Variants in NLRC3 observed in about 807,000 individuals in gnomAD.
NLRC3 encodes the protein NLR family CARD domain-containing protein 3.
A neutral mutation model predicts 91.6 loss-of-function variants in NLRC3; 87 were observed. The ratio of observed to expected loss-of-function variants is 0.95; its 90% CI spans 0.80 to 1.14. The LOEUF is 1.14. NLRC3 is among the 50% of genes most tolerant of loss of function. The pLI, the probability that NLRC3 is intolerant of heterozygous loss-of-function variation, is 0.00. For missense variants in NLRC3, 1,577 were observed against 1,418.6 expected, an observed-to-expected ratio of 1.11 and a Z score of -1.79; for synonymous variants, 694 against 625.3, an observed-to-expected ratio of 1.11 and a Z score of -1.64.
chr16:3,542,376 A>G, intron 18 of NLRC3, 102 bp from the exon 19 acceptor site: 1 of 762,146 alleles, frequency 1.3e-6, no homozygotes, highest in East Asian at 2.7e-5. Flanking sequence ...ACCCAGGCAG[A>G]TGTGTCCACA....
chr16:3,551,925 TCATCCATCAGTCCACTCATC>T (rs1292142405), intron 10 of NLRC3, among the ~76,000 whole-genome samples: 1 of 144,178 alleles, frequency 6.9e-6, no homozygotes, highest in Non-Finnish European at 1.5e-5. Flanking sequence ...ATCCACTCAT[TCATCCATCAGTCCACTCATC>T]CATCCATCCG....
At chr16:3,558,858 G>T (rs929253552) in intron 6 of NLRC3, among the ~76,000 whole-genome samples, 9 of 151,964 alleles carry the variant, frequency 5.9e-5, no homozygotes, top group African/African-American at 1.9e-4. Context: ...ACTGTAACTC[G>T]AACTCTCGAG....
chr16:3,556,436 T>G (rs986952839), intron 8 of NLRC3, among the ~76,000 whole-genome samples: 1 of 147,392 alleles, frequency 6.8e-6, no homozygotes, highest in African/African-American at 2.5e-5. Context: ...AGCTGGACCC[T>G]GGAAACTTGC....
chr16:3,554,038 C>T (rs1294026645), intron 9 of NLRC3, among the ~76,000 whole-genome samples: 3 of 151,992 alleles, frequency 2.0e-5, no homozygotes, highest in Non-Finnish European at 2.9e-5. Flanking sequence ...TGAGTCCCTG[C>T]GCCCAGCCAG....
At chr16:3,566,724 T>TA (rs144030899) in intron 2 of NLRC3, among the ~76,000 whole-genome samples, 1,255 of 123,896 alleles carry the variant, frequency 0.01, 15 homozygotes, top group African/African-American at 0.033. Context: ...AAACTCCGTA[T>TA]AAAAAAAAAA....
intron 5 of NLRC3, among the ~76,000 whole-genome samples, chr16:3,562,542 G>A (rs777322301): frequency 2.0e-5 from 3 of 152,162 alleles, no homozygotes; most frequent in Non-Finnish European, 2.9e-5. Flanking sequence ...TAGGGAGGCT[G>A]AGGCAGGAGA....
chr16:3,542,345 G>A (rs76537717), intron 18 of NLRC3, 71 bp from the exon 19 acceptor site: 4 of 947,248 alleles, frequency 4.2e-6, no homozygotes, highest in Admixed American at 2.0e-5. Context: ...GGAAGCAACA[G>A]TGCATTGTCT....
chr16:3,553,676 G>A (rs1453697862), intron 9 of NLRC3, among the ~76,000 whole-genome samples: 1 of 151,598 alleles, frequency 6.6e-6, no homozygotes, highest in East Asian at 1.9e-4. Context: ...TCCTACATCT[G>A]TGGGTTGGTA....
intron 9 of NLRC3, among the ~76,000 whole-genome samples, chr16:3,552,621 AC>A (rs895475590): frequency 1.3e-5 from 2 of 152,032 alleles, no homozygotes; most frequent in Non-Finnish European, 2.9e-5. Flanking sequence ...TCCCATCTAG[AC>A]CAGCAGGCTG....
intron 1 of NLRC3, among the ~76,000 whole-genome samples, chr16:3,570,898 A>C (rs1277787134): frequency 6.6e-6 from 1 of 152,198 alleles, no homozygotes; most frequent in African/African-American, 2.4e-5. Context: ...CCTGGAATCC[A>C]TGAGCTACAC....
At chr16:3,546,788 G>A (rs1385459531) in intron 15 of NLRC3, among the ~76,000 whole-genome samples, 4 of 152,114 alleles carry the variant, frequency 2.6e-5, no homozygotes, top group East Asian at 1.9e-4. Context: ...CGTGGGAGTC[G>A]TTGGGACTTT....
rs186077567 is a variant in NLRC3 at position 3,549,730 on chromosome 16, G to T, written c.2486C>A (p.Ala829Asp). Reference sequence around the variant, plus strand: ...GAGGAGGGTCTGGTTGGTGCAGAGGGCCCCCATCAGTGCTGCCACTCCTGC... The same window carrying T: ...GAGGAGGGTCTGGTTGGTGCAGAGGTCCCCCATCAGTGCTGCCACTCCTGC... ...SDAGVAALMGALCTNQTLLSL... is the reference protein window; with the variant it reads ...SDAGVAALMGDLCTNQTLLSL... The change falls in exon 12 of 20, where the codon GCC becomes GAC. Residue 829 changes from alanine (A) to aspartate (D), a missense_variant. Ala to Asp is a moderately radical substitution (Grantham distance 126). Transcript: ENST00000359128. The T allele has an allele frequency of 1.7e-5, 26 of 1,551,224 alleles. No individual in the cohort carries two copies. The Middle Eastern group carries it at 5.1e-4, about 30-fold the overall frequency.
intron 8 of NLRC3, among the ~76,000 whole-genome samples, chr16:3,555,229 CAAA>C (rs149218240): frequency 4.9e-5 from 4 of 82,452 alleles, no homozygotes; most frequent in Non-Finnish European, 2.4e-5. Flanking sequence ...GACTCCGTCT[CAAA>C]AAAAAAAAAA....
At chr16:3,548,266 G>A (rs1301590931) in intron 14 of NLRC3, 48 bp from the exon 15 acceptor site, 4 of 1,460,416 alleles carry the variant, frequency 2.7e-6, no homozygotes, top group Non-Finnish European at 2.8e-6. Context: ...TGACTATGTG[G>A]CCCTGGGGCA....
At chr16:3,562,879 C>T (rs1321398444) in intron 5 of NLRC3, 130 bp downstream of exon 5, 1 of 879,020 alleles carries the variant, frequency 1.1e-6, no homozygotes, top group Non-Finnish European at 1.8e-6. Flanking sequence ...TGTTTTAAGC[C>T]ACCAAGTTCA....
At chr16:3,567,417 C>G (rs2039925357) in intron 1 of NLRC3, 93 bp from the exon 2 acceptor site, 1 of 152,212 alleles carries the variant, frequency 6.6e-6, no homozygotes, top group South Asian at 2.1e-4. Flanking sequence ...GGTGTTGTCA[C>G]TGCATAGAGA....
In NLRC3 at chr16:3,541,621, C is replaced by T. The variant is rs1359510318; in HGVS notation, c.*204G>A. ...CTCTGTGCCATAACAGAGTACCCGTCACCCCCTGCCTGGACCACTCCTGCA... is the reference window on the plus strand; with the variant it reads ...CTCTGTGCCATAACAGAGTACCCGTTACCCCCTGCCTGGACCACTCCTGCA... On this transcript the variant is annotated 3_prime_UTR_variant, in exon 20 of 20. Transcript: ENST00000359128. 1.7e-6 allele frequency: 1 copy of T among 587,744 alleles called. No homozygotes were observed. Among genetic ancestry groups the T allele is most frequent in the East Asian group, 2.8e-5 (1 of 35,418 alleles). 36.4% of individuals were successfully genotyped at this position (587,744 alleles called of 1,614,324 possible).
chr16:3,541,893 C>T lies in NLRC3; in HGVS notation c.3130G>A (p.Asp1044Asn), dbSNP rs748245131. ...TCTGAGATCATCCTGGCCCCGGAGT[C>T]CCCAATGTGGTTTCCCTGGAGACTA... ...HINLQGNHIGDSGARMISEAI... is the reference protein window; with the variant it reads ...HINLQGNHIGNSGARMISEAI... Residue 1044 changes from aspartate to asparagine, a missense_variant, in exon 20 of 20, where the codon GAC becomes AAC. By Grantham distance (23) the Asp-to-Asn change is conservative. Coordinates refer to ENST00000359128, the MANE Select transcript of NLRC3 (RefSeq NM_178844.4). 1 of 1,611,186 alleles carries T rather than the reference C, an allele frequency of 6.2e-7. No individual in the cohort carries two copies.
intron 1 of NLRC3, among the ~76,000 whole-genome samples, chr16:3,575,795 G>A (rs2040267006): frequency 2.0e-5 from 3 of 152,206 alleles, no homozygotes; most frequent in African/African-American, 7.2e-5. Context: ...GTCCTTCCCT[G>A]CCACTTGGCG....
Sources: gnomAD v4.1 joint callset for allele counts (sites outside exome capture counted in the v4.1 genomes callset) on GRCh38, gnomAD v4.1.1 for gene constraint, MANE v1.5 for transcripts, NCBI Gene and HGNC (gene_info 2026-07-23, HGNC 2026-07-21) for gene names.